Variants in SHROOM3 observed in about 807,000 individuals in gnomAD.
The protein encoded by SHROOM3 is protein Shroom3.
In SHROOM3, 47 loss-of-function variants were observed where a neutral mutation model predicts 138.6. The observed-to-expected ratio is 0.34, with a 90% CI of 0.27 to 0.43. The LOEUF is 0.43. Ranked by LOEUF, SHROOM3 falls within the 20% of genes least tolerant of loss-of-function variation. The pLI, the probability that SHROOM3 is intolerant of heterozygous loss-of-function variation, is 1.00. For synonymous variants in SHROOM3, 1,062 were observed against 1,063.3 expected (o/e 1.00, Z 0.02); for missense variants, 2,491 against 2,596.5 (o/e 0.96, Z 0.88).
At chr4:76,444,150 A>T (rs1730755528) in intron 1 of SHROOM3, among the ~76,000 whole-genome samples, 1 of 152,006 alleles carries the variant, frequency 6.6e-6, no homozygotes, top group East Asian at 1.9e-4. Context: ...CCTCAGCTCA[A>T]GTGATCTGCC....
intron 1 of SHROOM3, among the ~76,000 whole-genome samples, chr4:76,545,274 A>G (rs1189466176): frequency 6.6e-6 from 1 of 152,154 alleles, no homozygotes; most frequent in Non-Finnish European, 1.5e-5. Flanking sequence ...TTCTTAAGGC[A>G]CTGAGCGGAG....
chr4:76,551,898 G>T (rs1254538069), intron 1 of SHROOM3, among the ~76,000 whole-genome samples: 1 of 151,520 alleles, frequency 6.6e-6, no homozygotes, highest in Non-Finnish European at 1.5e-5. Context: ...GTCTCGCTCT[G>T]TCACCCAGGC....
chr4:76,531,918 T>C (rs1050485738), intron 1 of SHROOM3, among the ~76,000 whole-genome samples: 74 of 151,898 alleles, frequency 4.9e-4, no homozygotes, highest in Non-Finnish European at 9.7e-4. Context: ...TTTTTTTTTT[T>C]TTTTTATACT....
chr4:76,544,324 G>A (rs1184753850), intron 1 of SHROOM3, among the ~76,000 whole-genome samples: 2 of 150,584 alleles, frequency 1.3e-5, no homozygotes, highest in African/African-American at 2.4e-5. Flanking sequence ...TTGCAACCAC[G>A]TGCTAATTCT....
intron 8 of SHROOM3, among the ~76,000 whole-genome samples, chr4:76,757,505 G>A (rs968659731): frequency 2.6e-5 from 4 of 152,348 alleles, no homozygotes; most frequent in African/African-American, 4.8e-5. Flanking sequence ...AGTGGTGAGC[G>A]TGGCCAACGT....
At chr4:76,520,980 T>C (rs1022018127) in intron 1 of SHROOM3, among the ~76,000 whole-genome samples, 3 of 152,196 alleles carry the variant, frequency 2.0e-5, no homozygotes, top group African/African-American at 7.2e-5. Context: ...TAGTCTTCTG[T>C]TGTGGTAACG....
At chr4:76,697,186 C>G (rs1417017307) in intron 2 of SHROOM3, among the ~76,000 whole-genome samples, 3 of 151,558 alleles carry the variant, frequency 2.0e-5, no homozygotes, top group African/African-American at 4.9e-5. Flanking sequence ...CCTTGACCTC[C>G]CAAAACACTG....
At chr4:76,723,816 G>A (rs973569747) in intron 3 of SHROOM3, among the ~76,000 whole-genome samples, 1 of 152,314 alleles carries the variant, frequency 6.6e-6, no homozygotes, top group East Asian at 1.9e-4. Flanking sequence ...TACTCGTCAA[G>A]TGCCTAGAAT....
intron 2 of SHROOM3, among the ~76,000 whole-genome samples, chr4:76,689,410 G>T (rs1256242139): frequency 7.3e-6 from 1 of 137,442 alleles, no homozygotes; most frequent in Non-Finnish European, 1.6e-5. Context: ...CGGGCGCGGG[G>T]TGGACTGAGC....
chr4:76,750,916 A>C (rs188580092), intron 6 of SHROOM3, among the ~76,000 whole-genome samples: 3 of 152,190 alleles, frequency 2.0e-5, no homozygotes, highest in African/African-American at 7.2e-5. Context: ...TTCTTCAGCA[A>C]TTGACATTAG....
intron 2 of SHROOM3, among the ~76,000 whole-genome samples, chr4:76,667,818 A>G (rs1718745174): frequency 6.6e-6 from 1 of 151,480 alleles, no homozygotes; most frequent in Non-Finnish European, 1.5e-5. Flanking sequence ...ATACAAAAAA[A>G]TTAGCTGGGC....
chr4:76,488,341 G>A (rs954852916), intron 1 of SHROOM3, among the ~76,000 whole-genome samples: 1 of 152,122 alleles, frequency 6.6e-6, no homozygotes, highest in Non-Finnish European at 1.5e-5. Flanking sequence ...ACTTAAGTCT[G>A]ATTTTTAATG....
chr4:76,450,711 G>C (rs1483188321), intron 1 of SHROOM3, among the ~76,000 whole-genome samples: 1 of 152,190 alleles, frequency 6.6e-6, no homozygotes, highest in Non-Finnish European at 1.5e-5. Context: ...TAAGGCTATG[G>C]ATAGGAATAG....
At chr4:76,436,358 T>C in intron 1 of SHROOM3, 138 bp downstream of exon 1, 2 of 915,528 alleles carry the variant, frequency 2.2e-6, no homozygotes, top group South Asian at 3.6e-5. Flanking sequence ...TATCTAGAAA[T>C]ATTTTGGATA....
At chr4:76,469,316 C>G (rs942336443) in intron 1 of SHROOM3, among the ~76,000 whole-genome samples, 1 of 152,158 alleles carries the variant, frequency 6.6e-6, no homozygotes, top group South Asian at 2.1e-4. Context: ...CTCTGTTGAG[C>G]AATGTGGATG....
chr4:76,611,376 C>T (rs756224740), intron 2 of SHROOM3, among the ~76,000 whole-genome samples: 8 of 151,606 alleles, frequency 5.3e-5, no homozygotes, highest in Non-Finnish European at 1.0e-4. Flanking sequence ...CAAACGATCT[C>T]GTTGTTTTGG....
At chr4:76,663,796 A>G (rs1311121267) in intron 2 of SHROOM3, among the ~76,000 whole-genome samples, 1 of 152,246 alleles carries the variant, frequency 6.6e-6, no homozygotes, top group Non-Finnish European at 1.5e-5. Flanking sequence ...AACTCAGGTA[A>G]CAGTGGACCC....
chr4:76,445,846 C>G (rs1730794241), intron 1 of SHROOM3, among the ~76,000 whole-genome samples: 1 of 152,176 alleles, frequency 6.6e-6, no homozygotes, highest in South Asian at 2.1e-4. Context: ...ATGTACATTT[C>G]TAAGGTACTT....
In SHROOM3 at chr4:76,756,331, G is replaced by T. The variant is rs1721808691; in HGVS notation, c.4710-118G>T. On this transcript the variant is annotated intron_variant, in intron 7 of 10. Transcript: ENST00000296043. The stretch of plus-strand genomic sequence containing the variant: ...CATGTGGAAGATGTGGAAAGCTACA[G>T]CCCTGATGTGGAAAGCTTCTCCCTC... 5.8e-6 allele frequency: 7 copies of T among 1,204,016 alleles called. No homozygotes were observed. In the South Asian group the frequency reaches 9.7e-5, roughly 17 times the overall value. 74.6% of individuals were successfully genotyped at this position (1,204,016 alleles called of 1,614,324 possible).
Sources: gnomAD v4.1 joint callset for allele counts (sites outside exome capture counted in the v4.1 genomes callset) on GRCh38, gnomAD v4.1.1 for gene constraint, MANE v1.5 for transcripts, NCBI Gene and HGNC (gene_info 2026-07-23, HGNC 2026-07-21) for gene names.